The following HPSE2 variants were observed in gnomAD, a reference collection of about 807,000 sequenced individuals.
HPSE2 encodes heparanase 2 (inactive), also known as inactive heparanase-2.
Under a neutral mutation model 60.5 loss-of-function variants are expected in HPSE2, and 38 were observed. The ratio of observed to expected loss-of-function variants is 0.63; its 90% confidence interval spans 0.48 to 0.82. HPSE2 has a LOEUF of 0.82. HPSE2 is among the 40% of genes least tolerant of loss of function. HPSE2 has a pLI of 0.00. For synonymous variants in HPSE2, 295 were observed against 293.2 expected (o/e 1.01, Z -0.06); for missense variants, 713 against 740.4 (o/e 0.96, Z 0.43).
chr10:99,042,943 T>A (rs1252398394), intron 3 of HPSE2, among the ~76,000 whole-genome samples: 3 of 152,114 alleles, frequency 2.0e-5, no homozygotes, highest in South Asian at 2.1e-4. Context: ...CCACCAAAAA[T>A]ATTTTGCTAA....
intron 7 of HPSE2, among the ~76,000 whole-genome samples, chr10:98,637,429 C>A (rs1283872872): frequency 6.6e-6 from 1 of 152,140 alleles, no homozygotes; most frequent in Non-Finnish European, 1.5e-5. Flanking sequence ...ATAACTATAA[C>A]AACAATAATA....
intron 6 of HPSE2, among the ~76,000 whole-genome samples, chr10:98,667,045 A>AG (rs2134101677): frequency 6.6e-6 from 1 of 151,804 alleles, no homozygotes; most frequent in South Asian, 2.1e-4. Flanking sequence ...AAAGGAAAAA[A>AG]AAAGATTCAA....
intron 9 of HPSE2, among the ~76,000 whole-genome samples, chr10:98,523,488 A>G (rs1189864587): frequency 6.6e-6 from 1 of 152,226 alleles, no homozygotes; most frequent in Non-Finnish European, 1.5e-5. Context: ...AGGAAAGTCC[A>G]ATTTCAGAAA....
chr10:99,048,701 C>T (rs2135493102), intron 3 of HPSE2, among the ~76,000 whole-genome samples: 1 of 152,256 alleles, frequency 6.6e-6, no homozygotes, highest in South Asian at 2.1e-4. Flanking sequence ...AACAGAGCTA[C>T]CATTCAACCC....
intron 9 of HPSE2, among the ~76,000 whole-genome samples, chr10:98,537,696 C>T (rs914898985): frequency 9.2e-5 from 14 of 152,116 alleles, no homozygotes; most frequent in African/African-American, 2.9e-4. Flanking sequence ...GGGAAGGCAC[C>T]CGTTACTTAG....
chr10:98,994,749 T>G (rs750861387), intron 3 of HPSE2, among the ~76,000 whole-genome samples: 2 of 152,138 alleles, frequency 1.3e-5, no homozygotes, highest in Non-Finnish European at 2.9e-5. Flanking sequence ...GACAAGAGGC[T>G]GTAGGAATTG....
At chr10:99,074,280 G>C (rs932334531) in intron 3 of HPSE2, among the ~76,000 whole-genome samples, 50 of 151,980 alleles carry the variant, frequency 3.3e-4, no homozygotes, top group African/African-American at 1.2e-3. Flanking sequence ...GTTGAATTTT[G>C]TCAAATTTTT....
rs759064509 is a variant in HPSE2, at chr10:98,482,637, T to G, written c.1612A>C (p.Lys538Gln). 5.6e-6 allele frequency: 9 copies of G among 1,614,148 alleles called. No homozygotes were observed. In the South Asian group the frequency reaches 9.9e-5, roughly 18 times the overall value. The change falls in exon 11 of 12, where the codon AAG becomes CAG. Residue 538 changes from lysine to glutamine, a missense_variant and splice_region_variant. By Grantham distance (53) the Lys-to-Gln change is moderately conservative. Transcript: ENST00000370552. ...QPYGQEGLKS[K>Q]SVQLNGQPLV... Reference sequence around the variant, plus strand: ...AGCTATTTTCAGGTTGGCACGTACTTGGACTTTAGGCCCTCCTGCCCATAG... The same window carrying G: ...AGCTATTTTCAGGTTGGCACGTACTGGGACTTTAGGCCCTCCTGCCCATAG...
chr10:98,722,284 T>C (rs951212504), intron 4 of HPSE2, among the ~76,000 whole-genome samples: 7 of 150,554 alleles, frequency 4.6e-5, no homozygotes, highest in Non-Finnish European at 1.0e-4. Flanking sequence ...GAAGTTCAGA[T>C]ACCCAGACAC....
intron 9 of HPSE2, among the ~76,000 whole-genome samples, chr10:98,600,743 A>G (rs1404138711): frequency 9.0e-6 from 1 of 111,428 alleles, no homozygotes; most frequent in Admixed American, 1.1e-4. Context: ...ATGTATATAC[A>G]TACACACAAA....
intron 3 of HPSE2, among the ~76,000 whole-genome samples, chr10:99,000,029 G>A (rs1398717912): frequency 6.6e-6 from 1 of 151,958 alleles, no homozygotes; most frequent in Non-Finnish European, 1.5e-5. Context: ...AGGACAGAAT[G>A]GAGAGAAAAA....
At chr10:99,166,461 C>A (rs1847085378) in intron 2 of HPSE2, among the ~76,000 whole-genome samples, 1 of 152,168 alleles carries the variant, frequency 6.6e-6, no homozygotes, top group African/African-American at 2.4e-5. Flanking sequence ...ATACTCTCAA[C>A]AATAATTGGT....
rs1390802156 is a variant in HPSE2 at position 98,789,973 on chromosome 10, GTTTA to G, written c.611-45921_611-45918del. On this transcript the variant is annotated intron_variant, in intron 3 of 11. Transcript: ENST00000370552. The stretch of plus-strand genomic sequence containing the variant: ...ATTCAAATTTAACTGAGTGTCCTGT[GTTTA>G]TTTGTCAGCTCTACTAAAGGCTGAG... Among the ~76,000 whole-genome samples the G allele has an allele frequency of 2.6e-5, 4 of 152,132 alleles. No homozygotes were observed. The South Asian group carries it at 8.3e-4, about 32-fold the overall frequency.
At chr10:99,181,746 G>A in intron 2 of HPSE2, among the ~76,000 whole-genome samples, 2 of 152,188 alleles carry the variant, frequency 1.3e-5, no homozygotes, top group Non-Finnish European at 2.9e-5. Flanking sequence ...GGAGCTAGGA[G>A]AGGTATAGCG....
intron 3 of HPSE2, among the ~76,000 whole-genome samples, chr10:98,803,959 G>T (rs1950980089): frequency 6.6e-6 from 1 of 151,892 alleles, no homozygotes; most frequent in Non-Finnish European, 1.5e-5. Context: ...CATGAGCATG[G>T]AATGTTCTTC....
At chr10:98,585,848 A>G (rs1224682733) in intron 9 of HPSE2, among the ~76,000 whole-genome samples, 4 of 150,054 alleles carry the variant, frequency 2.7e-5, no homozygotes, top group African/African-American at 9.8e-5. Flanking sequence ...GCTACTCGGG[A>G]GGCTGAAGCA....
At chr10:99,190,827 T>A (rs1053197090) in intron 2 of HPSE2, among the ~76,000 whole-genome samples, 17 of 151,378 alleles carry the variant, frequency 1.1e-4, no homozygotes, top group Non-Finnish European at 2.2e-4. Context: ...CTCCTGGGAG[T>A]CCCCAGCTCT....
intron 11 of HPSE2, among the ~76,000 whole-genome samples, chr10:98,463,560 GGGAGGCTGAGGCA>G (rs1940397920): frequency 6.6e-6 from 1 of 152,168 alleles, no homozygotes; most frequent in African/African-American, 2.4e-5. Context: ...CCAGCACTTT[GGGAGGCTGAGGCA>G]GGAGGATCAC....
chr10:98,811,280 C>T (rs926434265), intron 3 of HPSE2, among the ~76,000 whole-genome samples: 5 of 152,100 alleles, frequency 3.3e-5, no homozygotes, highest in Non-Finnish European at 7.4e-5. Context: ...CAAAAACACT[C>T]CTCACAATTG....
Sources: gnomAD v4.1 joint callset for allele counts (sites outside exome capture counted in the v4.1 genomes callset) on GRCh38, gnomAD v4.1.1 for gene constraint, MANE v1.5 for transcripts, NCBI Gene and HGNC (gene_info 2026-07-23, HGNC 2026-07-21) for gene names.